The following ZC3H12B variants were observed in gnomAD, a reference collection of about 807,000 sequenced individuals.
ZC3H12B encodes the protein zinc finger CCCH-type containing 12B, also known as probable ribonuclease ZC3H12B.
ZC3H12B carries 7 observed loss-of-function variants against 43.9 expected under a neutral mutation model. The ratio of observed to expected loss-of-function variants is 0.16; its 90% CI spans 0.09 to 0.30. The LOEUF is 0.30. Among genes scored for constraint, ZC3H12B ranks in the 10% least tolerant of loss-of-function variants. The pLI, the probability that ZC3H12B is intolerant of heterozygous loss-of-function variation, is 1.00. For missense variants in ZC3H12B, 475 were observed against 670.2 expected, an observed-to-expected ratio of 0.71 and a Z score of 3.22; for synonymous variants, 222 against 241.7, an observed-to-expected ratio of 0.92 and a Z score of 0.76.
At chrX:65,333,566 GTCT>G in the ZC3H12B span, among the ~76,000 whole-genome samples, 1 of 112,154 alleles carries the variant, frequency 8.9e-6, no homozygotes, top group Non-Finnish European at 1.9e-5. Flanking sequence ...GATTAATTCA[GTCT>G]TCTATTAGTT....
the ZC3H12B span, among the ~76,000 whole-genome samples, chrX:65,341,613 C>A: frequency 1.8e-5 from 2 of 111,042 alleles, no homozygotes; most frequent in African/African-American, 6.5e-5. Flanking sequence ...CCAAACTAAA[C>A]TTCATAAGCA....
chrX:65,103,150 G>A, the ZC3H12B span, among the ~76,000 whole-genome samples: 2 of 111,080 alleles, frequency 1.8e-5, no homozygotes, highest in African/African-American at 6.6e-5. Context: ...TGGGAGACCG[G>A]GGCTTATTTC....
the ZC3H12B span, among the ~76,000 whole-genome samples, chrX:65,120,925 T>C: frequency 3.6e-5 from 4 of 111,926 alleles, no homozygotes; most frequent in Non-Finnish European, 7.5e-5. Flanking sequence ...TTTTTGTCAT[T>C]GGTTCTATTT....
intron 3 of ZC3H12B, among the ~76,000 whole-genome samples, chrX:65,458,894 C>A (rs2067682007): frequency 9.0e-6 from 1 of 111,229 alleles, no homozygotes; most frequent in African/African-American, 3.3e-5. Flanking sequence ...ACACAAAAAA[C>A]CCTTCAAAAA....
chrX:65,284,251 C>A, the ZC3H12B span, among the ~76,000 whole-genome samples: 4,636 of 67,114 alleles, frequency 0.069, 404 homozygotes, highest in African/African-American at 0.18. Context: ...CACACACACA[C>A]AAAAAAAAAA....
At chrX:65,067,915 G>C in the ZC3H12B span, among the ~76,000 whole-genome samples, 1 of 110,286 alleles carries the variant, frequency 9.1e-6, no homozygotes, top group Admixed American at 9.6e-5. Flanking sequence ...TGTATCCCTT[G>C]AGTTTTGGTA....
chrX:65,130,059 A>T, the ZC3H12B span, among the ~76,000 whole-genome samples: 2 of 111,503 alleles, frequency 1.8e-5, no homozygotes, highest in Non-Finnish European at 3.8e-5. Context: ...TTAATTAGAG[A>T]GTGCTCAAGG....
chrX:65,226,932 G>C, the ZC3H12B span, among the ~76,000 whole-genome samples: 1 of 110,780 alleles, frequency 9.0e-6, no homozygotes, highest in African/African-American at 3.3e-5. Context: ...CAATAATAAT[G>C]GGAGACTTTA....
the ZC3H12B span, among the ~76,000 whole-genome samples, chrX:65,144,199 G>A: frequency 9.0e-6 from 1 of 111,393 alleles, no homozygotes; most frequent in Non-Finnish European, 1.9e-5. Context: ...TCTGTTCAAG[G>A]TATCTGATTC....
At chrX:65,269,312 T>G in the ZC3H12B span, among the ~76,000 whole-genome samples, 1 of 105,576 alleles carries the variant, frequency 9.5e-6, no homozygotes, top group Non-Finnish European at 1.9e-5. Flanking sequence ...ACCACTGCAC[T>G]CCAGCCTGGC....
chrX:65,407,798 C>A (rs890610404), intron 3 of ZC3H12B, among the ~76,000 whole-genome samples: 2 of 113,387 alleles, frequency 1.8e-5, no homozygotes, highest in African/African-American at 3.2e-5. Flanking sequence ...CGCGCACAGT[C>A]CCCGAACGCC....
the ZC3H12B span, among the ~76,000 whole-genome samples, chrX:65,216,387 G>A: frequency 1.8e-5 from 2 of 111,116 alleles, no homozygotes; most frequent in Admixed American, 9.6e-5. Flanking sequence ...CTCAACACTG[G>A]GCAGAACTTT....
chrX:65,176,453 G>A, the ZC3H12B span, among the ~76,000 whole-genome samples: 24 of 111,511 alleles, frequency 2.2e-4, no homozygotes, highest in Non-Finnish European at 3.0e-4. Flanking sequence ...GCAGTTGTGG[G>A]CGCAACTTCT....
intron 3 of ZC3H12B, among the ~76,000 whole-genome samples, chrX:65,442,719 T>C (rs2067318240): frequency 8.9e-6 from 1 of 112,346 alleles, no homozygotes; most frequent in Non-Finnish European, 1.9e-5. Flanking sequence ...AACAGTCCCA[T>C]TACAAAAGGA....
the ZC3H12B span, among the ~76,000 whole-genome samples, chrX:65,204,074 TTCTC>T: frequency 2.7e-5 from 3 of 112,576 alleles, no homozygotes; most frequent in Admixed American, 1.9e-4. Flanking sequence ...CAAATGCACA[TTCTC>T]TCTCTATCCC....
chrX:65,242,627 G>A, the ZC3H12B span, among the ~76,000 whole-genome samples: 1 of 111,723 alleles, frequency 9.0e-6, no homozygotes, highest in Non-Finnish European at 1.9e-5. Flanking sequence ...AATATTAAAA[G>A]ATCCTGAAAT....
At chrX:65,245,941 G>A in the ZC3H12B span, among the ~76,000 whole-genome samples, 1 of 110,949 alleles carries the variant, frequency 9.0e-6, no homozygotes, top group Non-Finnish European at 1.9e-5. Context: ...AAAAAGAAAG[G>A]GCATCCAAAT....
At chrX:65,059,775 T>A in the ZC3H12B span, among the ~76,000 whole-genome samples, 1 of 112,005 alleles carries the variant, frequency 8.9e-6, no homozygotes, top group Non-Finnish European at 1.9e-5. Flanking sequence ...TCATTGGTAT[T>A]TTGATAGGGA....
chrX:65,364,840 T>C (rs1429166490), upstream of ZC3H12B, among the ~76,000 whole-genome samples: 1 of 111,317 alleles, frequency 9.0e-6, no homozygotes, highest in African/African-American at 3.3e-5. Flanking sequence ...TCCCTACACA[T>C]CAAGCTCAGG....
Sources: gnomAD v4.1 joint callset for allele counts (sites outside exome capture counted in the v4.1 genomes callset) on GRCh38, gnomAD v4.1.1 for gene constraint, MANE v1.5 for transcripts, NCBI Gene and HGNC (gene_info 2026-07-23, HGNC 2026-07-21) for gene names.